The following CEP120 variants were observed in gnomAD, a reference collection of about 807,000 sequenced individuals.
The protein encoded by CEP120 is centrosomal protein of 120 kDa.
A neutral mutation model predicts 126.5 loss-of-function variants in CEP120; 113 were observed. The ratio of observed to expected loss-of-function variants is 0.89; its 90% CI spans 0.77 to 1.04. CEP120 has a LOEUF of 1.04. Among genes scored for constraint, CEP120 ranks in the 50% least tolerant of loss-of-function variants. CEP120 has a pLI of 0.00. For missense variants in CEP120, 1,230 were observed against 1,155.7 expected (o/e 1.06, Z -0.93); for synonymous variants, 400 against 394.3 (o/e 1.01, Z -0.17).
At chr5:123,399,428 A>G (rs1773025165) in intron 4 of CEP120, 144 bp from the exon 5 acceptor site, 1 of 704,020 alleles carries the variant, frequency 1.4e-6, no homozygotes, top group African/African-American at 1.8e-5. Flanking sequence ...TTACTCTCTT[A>G]CATACTCACC....
chr5:123,355,552 T>C (rs1266091324), intron 18 of CEP120, among the ~76,000 whole-genome samples: 1 of 152,242 alleles, frequency 6.6e-6, no homozygotes. Context: ...ATGAGCATTT[T>C]TTCATGTGTT....
chr5:123,364,736 T>A, intron 17 of CEP120, 142 bp from the exon 18 acceptor site: 1 of 390,656 alleles, frequency 2.6e-6, no homozygotes, highest in Non-Finnish European at 4.6e-6. Flanking sequence ...GTTATATAAT[T>A]TACTATAAAT....
At chr5:123,381,865 G>C (rs1172534632) in intron 14 of CEP120, among the ~76,000 whole-genome samples, 1 of 151,804 alleles carries the variant, frequency 6.6e-6, no homozygotes, top group Non-Finnish European at 1.5e-5. Context: ...TTACAGGTGT[G>C]AGCAACCATA....
At chr5:123,356,919 T>C (rs1449603307) in intron 18 of CEP120, among the ~76,000 whole-genome samples, 2 of 151,542 alleles carry the variant, frequency 1.3e-5, no homozygotes, top group Non-Finnish European at 2.9e-5. Flanking sequence ...ATTTCAAAGC[T>C]TTCATTTGGG....
chr5:123,401,271 G>A (rs1420557209), intron 4 of CEP120: 4 of 1,608,720 alleles, frequency 2.5e-6, no homozygotes, highest in Non-Finnish European at 3.4e-6. Flanking sequence ...CTGCAGGGCG[G>A]CCTCCAGCTC....
chr5:123,401,646 G>A (rs756753963), intron 4 of CEP120: 451 of 1,434,732 alleles, frequency 3.1e-4, no homozygotes, highest in Non-Finnish European at 4.0e-4. Flanking sequence ...TGCAGCTCCC[G>A]GATCTCCTCT....
chr5:123,401,322 A>T lies in CEP120; in HGVS notation c.464-2038T>A, dbSNP rs528575878. 3.0e-5 allele frequency: 48 copies of T among 1,603,036 alleles called. No individual in the cohort carries two copies. The South Asian group carries it at 4.8e-4, about 16-fold the overall frequency. ...GCATCCTTAATGGCCAGCTCTCCAC[A>T]CTGCTCGGCATCTGCAATGGCGGCC... On this transcript the variant is annotated intron_variant, in intron 4 of 19. Transcript: ENST00000306467.
At chr5:123,404,724 T>A (rs1359058068) in intron 4 of CEP120, among the ~76,000 whole-genome samples, 3 of 152,216 alleles carry the variant, frequency 2.0e-5, no homozygotes, top group African/African-American at 7.2e-5. Context: ...TAAGAATATA[T>A]GTGCCAATAC....
At chr5:123,421,550 G>A (rs922844326) in intron 1 of CEP120, among the ~76,000 whole-genome samples, 2 of 152,136 alleles carry the variant, frequency 1.3e-5, no homozygotes, top group African/African-American at 4.8e-5. Flanking sequence ...GAATTCTATT[G>A]TCACATATCT....
At chr5:123,397,944 T>A (rs1772901939) in intron 5 of CEP120, among the ~76,000 whole-genome samples, 1 of 151,914 alleles carries the variant, frequency 6.6e-6, no homozygotes, top group African/African-American at 2.4e-5. Context: ...ATTAGGTGGG[T>A]GTGGTGGCAC....
Position 123,372,774 on chromosome 5 carries a change from T to C in CEP120, c.2359-2A>G. The C allele has an allele frequency of 6.3e-7, 1 of 1,591,326 alleles. No homozygotes were observed. Among genetic ancestry groups the C allele is most frequent in the African/African-American group, 1.4e-5 (1 of 73,688 alleles). Reference sequence around the variant, plus strand: ...ATACTTATTTTCAGCATCATTAAGCTGTATTAAAAAAAGTTTAGCCATTTC... The same window carrying C: ...ATACTTATTTTCAGCATCATTAAGCCGTATTAAAAAAAGTTTAGCCATTTC... On this transcript the variant is annotated splice_acceptor_variant, in intron 16 of 19. Transcript: ENST00000306467. LOFTEE classifies it high-confidence loss of function.
chr5:123,382,503 C>T (rs1464285722), intron 13 of CEP120, among the ~76,000 whole-genome samples: 1 of 152,014 alleles, frequency 6.6e-6, no homozygotes, highest in Non-Finnish European at 1.5e-5. Flanking sequence ...GAGTAACTTC[C>T]CAATTTTACC....
chr5:123,381,435 C>T (rs1771641789), intron 14 of CEP120, among the ~76,000 whole-genome samples: 2 of 151,954 alleles, frequency 1.3e-5, no homozygotes, highest in South Asian at 4.1e-4. Context: ...TACTGATTAA[C>T]CACTAATAAG....
At chr5:123,409,308 T>A (rs1335666907) in intron 4 of CEP120, among the ~76,000 whole-genome samples, 1 of 152,134 alleles carries the variant, frequency 6.6e-6, no homozygotes, top group Non-Finnish European at 1.5e-5. Flanking sequence ...TATAAAAACC[T>A]ACAGCTAACA....
Position 123,346,655 on chromosome 5 carries a change from T to A in CEP120, c.2825A>T (p.Asp942Val). 11 of 1,613,962 alleles carry A rather than the reference T, an allele frequency of 6.8e-6. No homozygotes were observed. Among genetic ancestry groups the A allele is most frequent in the Non-Finnish European group, 9.3e-6 (11 of 1,179,940 alleles). The change falls in exon 20 of 20, where the codon GAT becomes GTT. Residue 942 changes from aspartate to valine, a missense_variant. Transcript: ENST00000306467. ...PHGSVLEEGL[D>V]DYLTRLIEER... ...TTCTATCAGGCGAGTCAAATAATCA[T>A]CCAAACCTTCTTCCAATACACTGCC...
intron 10 of CEP120, among the ~76,000 whole-genome samples, chr5:123,385,690 C>G (rs1489553954): frequency 6.6e-6 from 1 of 151,184 alleles, no homozygotes; most frequent in Non-Finnish European, 1.5e-5. Flanking sequence ...AATCACAACT[C>G]ACTACAGCCT....
rs146575691 is a variant in CEP120, at chr5:123,394,704, T to C, written c.613-1207A>G. ...AGCACAGTACCAGACACATAATAAA[T>C]GTAAGTTATTTTAATCCTGCACTTT... On this transcript the variant is annotated intron_variant, in intron 5 of 19. Coordinates refer to ENST00000306467, the MANE Select transcript of CEP120 (RefSeq NM_001375405.1). Among the ~76,000 whole-genome samples the C allele has an allele frequency of 2.1e-3, 325 of 152,332 alleles. 1 individual carries two copies. Among genetic ancestry groups the C allele is most frequent in the Middle Eastern group, 3.4e-3 (1 of 294 alleles).
intron 1 of CEP120, among the ~76,000 whole-genome samples, chr5:123,421,809 A>G (rs765799776): frequency 1.3e-5 from 2 of 152,222 alleles, no homozygotes; most frequent in Non-Finnish European, 2.9e-5. Context: ...CTATGTTTTT[A>G]AACAATAAGT....
intron 4 of CEP120, chr5:123,400,793 G>A (rs543474008): frequency 1.4e-6 from 1 of 732,938 alleles, no homozygotes; most frequent in Non-Finnish European, 2.4e-6. Flanking sequence ...CCCCGCGGGT[G>A]GACTGAGGCC....
Sources: allele counts gnomAD v4.1 joint callset (sites outside exome capture counted in the v4.1 genomes callset), GRCh38; gene constraint gnomAD v4.1.1; transcripts MANE v1.5; gene names NCBI Gene and HGNC (gene_info 2026-07-23, HGNC 2026-07-21).